TRPM1: variants seen among roughly 807,000 people sequenced by gnomAD.
TRPM1 encodes TRPM1-203 APA Isoform, Intron 10.
TRPM1 carries 113 observed loss-of-function variants against 149.4 expected under a neutral mutation model. The ratio of observed to expected loss-of-function variants is 0.76; its 90% CI spans 0.65 to 0.88. The LOEUF (loss-of-function observed/expected upper bound fraction) is 0.88, where lower values mean the gene tolerates loss of function less well. Ranked by LOEUF, TRPM1 falls within the 40% of genes least tolerant of loss-of-function variation. The pLI is 0.00. For missense variants in TRPM1, 1,976 were observed against 2,038.7 expected (o/e 0.97, Z 0.59); for synonymous variants, 741 against 759.5 (o/e 0.98, Z 0.40).
chr15:31,151,749 T>C (rs1255768210), intron 1 of TRPM1, among the ~76,000 whole-genome samples: 2 of 152,198 alleles, frequency 1.3e-5, no homozygotes, highest in African/African-American at 4.8e-5. Context: ...CTCCCTCACC[T>C]CTGACCTCAC....
chr15:31,026,797 G>T lies in TRPM1; in HGVS notation c.3496+118C>A, dbSNP rs1034591115. ...AGCCTTTTGAAAAGAACAGCAGTTG[G>T]ACTGAGTGTGGTGCTTTTCACACGA... is the stretch of plus-strand genomic sequence containing the variant. On this transcript the variant is annotated intron_variant, in intron 26 of 27. Coordinates refer to ENST00000256552, the MANE Select transcript of TRPM1 (RefSeq NM_001252024.2). The T allele has an allele frequency of 3.8e-6, 4 of 1,049,204 alleles. No homozygotes were observed. In the Admixed American group the frequency reaches 7.3e-5, roughly 19 times the overall value. The allele number at this position is 1,049,204 out of a possible 1,614,324, so 65.0% of individuals were successfully genotyped here. A position where few individuals can be genotyped will look rare whatever the true frequency, so the allele number is the denominator to read the frequency against.
exon 1 of TRPM1, chr15:31,160,915 C>A (rs1567086371): frequency 6.5e-7 from 1 of 1,535,534 alleles, no homozygotes; most frequent in Admixed American, 2.0e-5. Context: ...CCTTCTGCGA[C>A]CCTGATGTGG....
chr15:31,093,011 A>G (rs1424181331), intron 1 of TRPM1, among the ~76,000 whole-genome samples: 1 of 152,250 alleles, frequency 6.6e-6, no homozygotes, highest in Non-Finnish European at 1.5e-5. Flanking sequence ...CTGTAATCCC[A>G]GCACTTTGGG....
chr15:31,130,038 A>T (rs1008212340), intron 1 of TRPM1, among the ~76,000 whole-genome samples: 6 of 152,206 alleles, frequency 3.9e-5, no homozygotes, highest in African/African-American at 1.4e-4. Flanking sequence ...CAGGACAAAG[A>T]CATCAGGGTG....
intron 1 of TRPM1, among the ~76,000 whole-genome samples, chr15:31,133,352 G>C (rs1232941001): frequency 6.6e-6 from 1 of 152,186 alleles, no homozygotes; most frequent in Non-Finnish European, 1.5e-5. Context: ...TGGATCACTT[G>C]AGGTCAGGAG....
intron 1 of TRPM1, among the ~76,000 whole-genome samples, chr15:31,084,890 T>C (rs1033837530): frequency 9.3e-5 from 14 of 151,084 alleles, no homozygotes; most frequent in African/African-American, 3.4e-4. Flanking sequence ...TGTTTCACCA[T>C]GTTGACCAGG....
At chr15:31,081,313 G>C (rs1567040776) in intron 2 of TRPM1, 40 bp downstream of exon 2, 3 of 1,141,144 alleles carry the variant, frequency 2.6e-6, no homozygotes, top group East Asian at 2.6e-5. Context: ...TCTCAGGGGG[G>C]GAGGGGGGGA....
At position 31,002,440 on chromosome 15, in the gene TRPM1, A is replaced by C. The variant is rs767400162; in HGVS notation, c.4260T>G (p.Thr1420=). 4.3e-6 allele frequency: 7 copies of C among 1,614,034 alleles called. No individual in the cohort carries two copies. The East Asian group carries it at 1.1e-4, about 26-fold the overall frequency. ...TATTTGTCGTTTCCACTGTTAGCTG[A>C]GTGTTTTGAACATCTGATTTGTCCT... ...HGQDKSDVQN[T]QLTVETTNIE... is the part of the protein sequence containing the mutation. The change falls in exon 28 of 28, where the codon ACT becomes ACG. Residue 1420 remains threonine (T), a synonymous_variant. Coordinates refer to ENST00000256552, the MANE Select transcript of TRPM1 (RefSeq NM_001252024.2).
At chr15:31,024,547 A>C (rs1464016067) in intron 27 of TRPM1, among the ~76,000 whole-genome samples, 2 of 152,198 alleles carry the variant, frequency 1.3e-5, no homozygotes, top group Admixed American at 1.3e-4. Context: ...ACACACTTTC[A>C]TCCCTATTAC....
intron 1 of TRPM1, among the ~76,000 whole-genome samples, chr15:31,138,147 C>T (rs1043847566): frequency 3.3e-5 from 5 of 152,148 alleles, no homozygotes; most frequent in African/African-American, 1.2e-4. Context: ...CCTAGGGTGG[C>T]CTTTGGGTCC....
chr15:31,030,517 A>G (rs1305534540), intron 23 of TRPM1, among the ~76,000 whole-genome samples: 1 of 152,232 alleles, frequency 6.6e-6, no homozygotes, highest in African/African-American at 2.4e-5. Context: ...ATAATACAAA[A>G]TAGCACTCTA....
chr15:31,117,578 G>A (rs1244742176), intron 1 of TRPM1, among the ~76,000 whole-genome samples: 1 of 151,780 alleles, frequency 6.6e-6, no homozygotes, highest in Non-Finnish European at 1.5e-5. Flanking sequence ...AACCCGGTAG[G>A]TGGAGGTTGC....
chr15:31,136,267 G>C (rs892963082), intron 1 of TRPM1, among the ~76,000 whole-genome samples: 11 of 152,150 alleles, frequency 7.2e-5, no homozygotes, highest in African/African-American at 2.7e-4. Flanking sequence ...GTGTCTGGAG[G>C]CGGAGACATT....
rs1016302338 is a variant in TRPM1 at position 31,135,860 on chromosome 15, G to A, written c.54+25046C>T. Among the ~76,000 whole-genome samples, 8 of 152,192 alleles carry A rather than the reference G, an allele frequency of 5.3e-5. No individual in the cohort carries two copies. In the East Asian group the frequency reaches 1.2e-3, roughly 22 times the overall value. ...CCTGAAGCCCTCACAGGAAGCAGACGCTGGCTCCATGCTTCCTATACAGCC... is the reference window on the plus strand; with the variant it reads ...CCTGAAGCCCTCACAGGAAGCAGACACTGGCTCCATGCTTCCTATACAGCC... On this transcript the variant is annotated intron_variant, in intron 1 of 26. Coordinates refer to the TRPM1 transcript ENST00000542188.
intron 1 of TRPM1, among the ~76,000 whole-genome samples, chr15:31,115,196 G>C (rs1053951705): frequency 2.0e-5 from 3 of 152,114 alleles, no homozygotes; most frequent in Admixed American, 6.5e-5. Flanking sequence ...AGGCGACCAT[G>C]TCAGTGAGCC....
At chr15:31,065,907 G>A (rs1287795104) in intron 7 of TRPM1, among the ~76,000 whole-genome samples, 169 bp downstream of exon 7, 1 of 152,198 alleles carries the variant, frequency 6.6e-6, no homozygotes, top group East Asian at 1.9e-4. Flanking sequence ...CAGTGAATGT[G>A]ATTTGGTAGG....
chr15:31,096,856 G>A (rs2035396703), intron 1 of TRPM1, among the ~76,000 whole-genome samples: 1 of 152,148 alleles, frequency 6.6e-6, no homozygotes, highest in African/African-American at 2.4e-5. Flanking sequence ...TGGGCATCTG[G>A]GGACCCAAGC....
At chr15:31,104,966 T>G (rs2035583845), upstream of TRPM1, among the ~76,000 whole-genome samples, 1 of 152,142 alleles carries the variant, frequency 6.6e-6, no homozygotes, top group Admixed American at 6.5e-5. Flanking sequence ...AAATAGAAAC[T>G]TTCCCTGGGC....
upstream of TRPM1, among the ~76,000 whole-genome samples, chr15:31,106,194 A>G (rs981548252): frequency 9.4e-5 from 14 of 148,844 alleles, no homozygotes; most frequent in Non-Finnish European, 2.1e-4. Context: ...GCTGGAGTGC[A>G]GTGGTGCAAT....
Sources: gnomAD v4.1 joint callset for allele counts (sites outside exome capture counted in the v4.1 genomes callset) on GRCh38, gnomAD v4.1.1 for gene constraint, MANE v1.5 for transcripts, NCBI Gene and HGNC (gene_info 2026-07-23, HGNC 2026-07-21) for gene names.